Variants in CEP170 observed in about 807,000 individuals in gnomAD.
CEP170 encodes centrosomal protein 170.
In CEP170, 21 loss-of-function variants were observed where a neutral mutation model predicts 151.9. The ratio of observed to expected loss-of-function variants is 0.14; its 90% confidence interval spans 0.10 to 0.20. The LOEUF (loss-of-function observed/expected upper bound fraction) is 0.20, where lower values mean the gene tolerates loss of function less well. CEP170 is among the 10% of genes least tolerant of loss of function. The pLI, the probability that CEP170 is intolerant of heterozygous loss-of-function variation, is 1.00. For synonymous variants in CEP170, 356 were observed against 648.8 expected (o/e 0.55, Z 6.86); for missense variants, 964 against 1,892.9 (o/e 0.51, Z 9.11).
At position 243,242,312 on chromosome 1, in the gene CEP170, G is replaced by A. The variant is rs558295195; in HGVS notation, c.-42+12728C>T. The stretch of plus-strand genomic sequence containing the variant: ...CTGCTCAATACAAGCTCCACCTCCC[G>A]GGTTCACGCCATTCTCCTGCCTCAG... On this transcript the variant is annotated intron_variant, in intron 1 of 19. Coordinates refer to ENST00000366542, the MANE Select transcript of CEP170 (RefSeq NM_014812.3). 2.3e-3 allele frequency among the ~76,000 whole-genome samples: 344 copies of A among 151,822 alleles called. 2 individuals are homozygous for A. Among genetic ancestry groups the A allele is most frequent in the African/African-American group, 7.9e-3 (327 of 41,406 alleles).
chr1:243,251,244 C>T (rs1456382439), intron 1 of CEP170, among the ~76,000 whole-genome samples: 1 of 152,142 alleles, frequency 6.6e-6, no homozygotes, highest in Non-Finnish European at 1.5e-5. Flanking sequence ...CCAATAACAT[C>T]TCAGAGATAT....
At chr1:243,199,248 A>G in intron 6 of CEP170, 54 bp from the exon 7 acceptor site, 1 of 1,573,082 alleles carries the variant, frequency 6.4e-7, no homozygotes, top group African/African-American at 1.4e-5. Context: ...AAAAGAATAC[A>G]CTTTCGCAGA....
chr1:243,148,673 G>C (rs1385753711), intron 14 of CEP170, among the ~76,000 whole-genome samples: 2 of 152,132 alleles, frequency 1.3e-5, no homozygotes, highest in Non-Finnish European at 2.9e-5. Context: ...AAGAAGTCCA[G>C]GCAAGAGGCT....
At position 243,195,983 on chromosome 1, in the gene CEP170, A is replaced by G. The variant is rs886718912; in HGVS notation, c.631+3077T>C. 1.3e-3 allele frequency among the ~76,000 whole-genome samples: 200 copies of G among 152,156 alleles called. 1 individual carries two copies. Among genetic ancestry groups the G allele is most frequent in the Admixed American group, 2.8e-3 (42 of 15,270 alleles). On this transcript the variant is annotated intron_variant, in intron 7 of 19. Coordinates refer to ENST00000366542, the MANE Select transcript of CEP170 (RefSeq NM_014812.3). ...ACATAAATCACTGAATTATTACTCAAAAAGAACCCCAAGATCATGAGACGG... is the reference window on the plus strand; with the variant it reads ...ACATAAATCACTGAATTATTACTCAGAAAGAACCCCAAGATCATGAGACGG...
intron 14 of CEP170, among the ~76,000 whole-genome samples, chr1:243,155,205 T>C (rs2057438757): frequency 6.6e-6 from 1 of 152,208 alleles, no homozygotes; most frequent in Admixed American, 6.5e-5. Flanking sequence ...TAGAAAGGCA[T>C]GTTCTCTCCA....
At chr1:243,200,903 G>A (rs2148835133) in intron 4 of CEP170, 68 bp from the exon 5 acceptor site, 1 of 1,539,194 alleles carries the variant, frequency 6.5e-7, no homozygotes, top group South Asian at 1.2e-5. Context: ...GTCATCAAAT[G>A]TAATTTAGAA....
chr1:243,245,516 C>T (rs2065291774), intron 1 of CEP170, among the ~76,000 whole-genome samples: 2 of 152,074 alleles, frequency 1.3e-5, no homozygotes, highest in Non-Finnish European at 2.9e-5. Context: ...GAGTTCAAGA[C>T]CAGCCTGACC....
intron 7 of CEP170, among the ~76,000 whole-genome samples, chr1:243,197,988 A>G (rs1256851011): frequency 6.6e-6 from 1 of 152,154 alleles, no homozygotes; most frequent in Non-Finnish European, 1.5e-5. Flanking sequence ...TGTATCCATT[A>G]GAGCATACCT....
At chr1:243,254,079 C>T (rs1221161883) in intron 1 of CEP170, among the ~76,000 whole-genome samples, 2 of 152,150 alleles carry the variant, frequency 1.3e-5, no homozygotes, top group Admixed American at 6.5e-5. Flanking sequence ...GCTTCGTTGT[C>T]AGGCCCTCTC....
intron 1 of CEP170, among the ~76,000 whole-genome samples, chr1:243,228,081 C>T (rs2063449323): frequency 6.6e-6 from 1 of 152,162 alleles, no homozygotes. Context: ...TTTTCCCATT[C>T]AACTGTATAT....
chr1:243,208,422 G>A (rs2061561409), intron 4 of CEP170, among the ~76,000 whole-genome samples: 1 of 151,998 alleles, frequency 6.6e-6, no homozygotes, highest in African/African-American at 2.4e-5. Flanking sequence ...CAGAATAAAA[G>A]TCAAAATCCT....
chr1:243,165,699 C>A lies in CEP170; in HGVS notation c.2261G>T (p.Arg754Met). ...AGTAGGTGTCCACTGAGCCTCCTCC[C>A]TTTGTTCTTGTTGTTGAAGTTTTGC... The part of the protein sequence containing the change: ...TLAKLQQQEQ[R>M]EEAQWTPTKL... Residue 754 changes from arginine (R) to methionine (M), a missense_variant, in exon 13 of 20, where the codon AGG becomes ATG. Coordinates refer to ENST00000366542, the MANE Select transcript of CEP170 (RefSeq NM_014812.3). 1.9e-6 allele frequency: 3 copies of A among 1,614,076 alleles called. No homozygotes were observed. The highest frequency in any genetic ancestry group is 2.7e-5 in the African/African-American group (2 of 75,074).
At chr1:243,142,719 T>C (rs2055993385) in intron 14 of CEP170, among the ~76,000 whole-genome samples, 1 of 152,222 alleles carries the variant, frequency 6.6e-6, no homozygotes, top group African/African-American at 2.4e-5. Context: ...AGCTATGCCC[T>C]TAACACACAC....
chr1:243,188,615 G>C (rs1017713246), intron 8 of CEP170, among the ~76,000 whole-genome samples: 8 of 152,200 alleles, frequency 5.3e-5, no homozygotes, highest in African/African-American at 1.9e-4. Flanking sequence ...GCTGTAACAA[G>C]TCAGTGGTGT....
chr1:243,221,827 T>TAATAACACTAC lies in CEP170; in HGVS notation c.106-15_106-14insGTAGTGTTATT. 6.3e-7 allele frequency: 1 copy of TAATAACACTAC among 1,594,966 alleles called. No individual in the cohort carries two copies. The highest frequency in any genetic ancestry group is 1.2e-5 in the South Asian group (1 of 86,858). ...CACACTACGAGACTGAAAGGAATGT[T>TAATAACACTAC]GTCAGTTAATAAATATAAGAAAATA... is the stretch of plus-strand genomic sequence containing the variant. On this transcript the variant is annotated splice_polypyrimidine_tract_variant and intron_variant, in intron 2 of 19. Transcript: ENST00000366542.
In CEP170 at chr1:243,200,387, T is replaced by C. The variant is rs145941305; in HGVS notation, c.496+131A>G. The C allele has an allele frequency of 1.6e-3, 1,449 of 902,594 alleles. 8 individuals are homozygous for C. The African/African-American group carries it at 0.021, about 13-fold the overall frequency. The allele number at this position is 902,594 out of a possible 1,614,324, so 55.9% of individuals were successfully genotyped here. On this transcript the variant is annotated intron_variant, in intron 6 of 19. Transcript: ENST00000366542. ...TTTCCTAATGAAAGCACTGGTAGCA[T>C]TAAAACACACTCTGAAATTATCACT...
chr1:243,155,630 GTTA>G (rs2057477563), intron 14 of CEP170, among the ~76,000 whole-genome samples: 1 of 151,186 alleles, frequency 6.6e-6, no homozygotes, highest in African/African-American at 2.5e-5. Context: ...ATTTCCATAA[GTTA>G]TTAATTAAAA....
At chr1:243,132,725 A>G (rs1572134775) in intron 17 of CEP170, among the ~76,000 whole-genome samples, 2 of 152,240 alleles carry the variant, frequency 1.3e-5, no homozygotes, top group African/African-American at 4.8e-5. Context: ...GGGAGACTAC[A>G]GAACGTAGGA....
At chr1:243,212,839 A>AT (rs916088316) in intron 3 of CEP170, among the ~76,000 whole-genome samples, 2 of 151,760 alleles carry the variant, frequency 1.3e-5, no homozygotes, top group East Asian at 1.9e-4. Context: ...ATTTTTGTGT[A>AT]TTTTTTGTAG....
Sources: allele counts gnomAD v4.1 joint callset (sites outside exome capture counted in the v4.1 genomes callset), GRCh38; gene constraint gnomAD v4.1.1; transcripts MANE v1.5; gene names NCBI Gene and HGNC (gene_info 2026-07-23, HGNC 2026-07-21).